The following CEBPZOS variants were observed in gnomAD, a reference collection of about 807,000 sequenced individuals.
The protein encoded by CEBPZOS is CEBPZ opposite strand.
A neutral mutation model predicts 4.8 loss-of-function variants in CEBPZOS; 10 were observed. That is an observed-to-expected ratio of 2.07 (90% confidence interval 1.28 to 3.52). CEBPZOS has a LOEUF of 3.52. CEBPZOS is among the 30% of genes most tolerant of loss of function. The pLI is 0.00. For missense variants in CEBPZOS, 98 were observed against 43.6 expected (o/e 2.25, Z -3.51); for synonymous variants, 25 against 14.2 (o/e 1.77, Z -1.72).
Position 37,202,787 on chromosome 2 carries a change from C to G in CEBPZOS, c.*927C>G. On this transcript the variant is annotated 3_prime_UTR_variant, in exon 5 of 5. Transcript: ENST00000402297. Reference sequence around the variant, plus strand: ...TAAAAAAATTTAAGTTACTTACTTGCATTATCTTTGTTAGCCATGGCATTC... The same window carrying G: ...TAAAAAAATTTAAGTTACTTACTTGGATTATCTTTGTTAGCCATGGCATTC... The G allele has an allele frequency of 6.4e-7, 1 of 1,556,416 alleles. No homozygotes were observed. Among genetic ancestry groups the G allele is most frequent in the Non-Finnish European group, 8.7e-7 (1 of 1,150,124 alleles).
chr2:37,212,867 C>CAAA (rs749522819), intron 4 of CEBPZOS, among the ~76,000 whole-genome samples: 12 of 117,242 alleles, frequency 1.0e-4, no homozygotes, highest in Admixed American at 9.7e-4. Context: ...ACAACAACAA[C>CAAA]AAAAAAAAAA....
At chr2:37,211,785 C>T in intron 4 of CEBPZOS, 1 of 1,321,524 alleles carries the variant, frequency 7.6e-7, no homozygotes, top group Non-Finnish European at 1.0e-6. Flanking sequence ...GAAAAACAAA[C>T]TTAAGGCTAA....
chr2:37,209,546 A>C (rs181949314), downstream of CEBPZOS: 1 of 152,334 alleles, frequency 6.6e-6, no homozygotes, highest in East Asian at 1.9e-4. Context: ...TGGGGAAAGG[A>C]CACCCTATTG....
In CEBPZOS at chr2:37,203,526, T is replaced by G. The variant is rs537687415; in HGVS notation, c.*1666T>G. On this transcript the variant is annotated 3_prime_UTR_variant, in exon 5 of 5. Coordinates refer to ENST00000402297, the MANE Select transcript of CEBPZOS (RefSeq NM_001322374.2). The stretch of plus-strand genomic sequence containing the variant: ...TTTCCTGAAACAATTATTCAAACTC[T>G]GCATCTTTGATATCAATGTCTCTAG... The G allele has an allele frequency of 6.6e-6, 1 of 152,384 alleles. No homozygotes were observed. The highest frequency in any genetic ancestry group is 1.9e-4 in the East Asian group (1 of 5,194). 9.4% of individuals were successfully genotyped at this position (152,384 alleles called of 1,614,324 possible).
intron 4 of CEBPZOS, 25 bp downstream of exon 4, chr2:37,201,751 T>C (rs1430198300): frequency 7.6e-7 from 1 of 1,314,892 alleles, no homozygotes; most frequent in South Asian, 1.2e-5. Context: ...AATCTATAAT[T>C]TACATTAATA....
At chr2:37,206,341 G>A (rs1181820883), downstream of CEBPZOS, among the ~76,000 whole-genome samples, 1 of 152,190 alleles carries the variant, frequency 6.6e-6, no homozygotes, top group Non-Finnish European at 1.5e-5. Context: ...AATGCTGAAA[G>A]GAGTTCTAAA....
At chr2:37,208,939 A>T (rs1454600563), downstream of CEBPZOS, 1 of 152,076 alleles carries the variant, frequency 6.6e-6, no homozygotes, top group Non-Finnish European at 1.5e-5. Flanking sequence ...AATCCAGCAA[A>T]GTTTCAGGAT....
chr2:37,201,305 G>GAC, intron 3 of CEBPZOS: 1 of 537,726 alleles, frequency 1.9e-6, no homozygotes, highest in Non-Finnish European at 3.3e-6. Context: ...GTAAACTCTG[G>GAC]AATCATTCAT....
At position 37,201,568 on chromosome 2, in the gene CEBPZOS, TG is replaced by T. The variant is rs1343090017; in HGVS notation, c.161-73del. ...ATGTAGCAATATGGAAAAAAGAAGT[TG>T]TTTTTTTCAATACATTTAATTTTAA... is the stretch of plus-strand genomic sequence containing the variant. On this transcript the variant is annotated intron_variant, in intron 3 of 4. Transcript: ENST00000402297. The T allele has an allele frequency of 6.2e-6, 4 of 646,050 alleles. No homozygotes were observed. In the East Asian group the frequency reaches 1.1e-4, roughly 18 times the overall value. 40.0% of individuals were successfully genotyped at this position (646,050 alleles called of 1,614,324 possible).
chr2:37,205,394 T>C (rs1285087590), downstream of CEBPZOS, among the ~76,000 whole-genome samples: 1 of 152,176 alleles, frequency 6.6e-6, no homozygotes, highest in African/African-American at 2.4e-5. Flanking sequence ...TTCTCCTGGC[T>C]CATCCTGGCT....
downstream of CEBPZOS, chr2:37,204,838 T>C (rs1353123710): frequency 2.0e-5 from 3 of 152,256 alleles, no homozygotes; most frequent in South Asian, 2.1e-4. Context: ...TTCAGGCTAA[T>C]GTCTTCTGAA....
rs1377829756 is a variant in CEBPZOS at position 37,201,727 on chromosome 2, G to GT, written c.*2+2dup. On this transcript the variant is annotated splice_donor_variant, in intron 4 of 4. Coordinates refer to ENST00000402297, the MANE Select transcript of CEBPZOS (RefSeq NM_001322374.2). LOFTEE classifies it low-confidence loss of function (3UTR_SPLICE). The stretch of plus-strand genomic sequence containing the variant: ...CATGGTTGAACAGCAAAAATTAGAT[G>GT]TAAGTAGAATTTTAATCTATAATTT... The GT allele has an allele frequency of 4.2e-6, 5 of 1,194,968 alleles. No individual in the cohort carries two copies. Among genetic ancestry groups the GT allele is most frequent in the Non-Finnish European group, 6.1e-6 (5 of 819,190 alleles). 74.0% of individuals were successfully genotyped at this position (1,194,968 alleles called of 1,614,324 possible).
chr2:37,202,928 T>G lies in CEBPZOS; in HGVS notation c.*1068T>G. 1 of 1,595,638 alleles carries G rather than the reference T, an allele frequency of 6.3e-7. No homozygotes were observed. Among genetic ancestry groups the G allele is most frequent in the Non-Finnish European group, 8.5e-7 (1 of 1,169,620 alleles). ...AAATAATGTAGAATAGCTAGCTTGT[T>G]AAAACAGTACATTAGCCTTACCTCT... On this transcript the variant is annotated 3_prime_UTR_variant, in exon 5 of 5. Transcript: ENST00000402297.
At chr2:37,196,972 G>C (rs940952885) in intron 1 of CEBPZOS, among the ~76,000 whole-genome samples, 3 of 152,222 alleles carry the variant, frequency 2.0e-5, no homozygotes, top group Admixed American at 2.0e-4. Context: ...GCTAAGCTGG[G>C]AGGCCGCCCC....
At chr2:37,213,039 T>C (rs1028542170) in intron 4 of CEBPZOS, among the ~76,000 whole-genome samples, 4 of 152,000 alleles carry the variant, frequency 2.6e-5, no homozygotes, top group Non-Finnish European at 5.9e-5. Flanking sequence ...AGAGAGAGCC[T>C]GTCTCAAAAC....
chr2:37,211,984 C>G (rs1558470844), intron 4 of CEBPZOS: 3 of 1,612,550 alleles, frequency 1.9e-6, no homozygotes, highest in East Asian at 2.2e-5. Context: ...TCACTACCTT[C>G]TGAATCTTCA....
rs1345768280 is a variant in CEBPZOS at position 37,212,840 on chromosome 2, A to G, written c.*3-597A>G. 1.1e-4 allele frequency among the ~76,000 whole-genome samples: 17 copies of G among 150,164 alleles called. No homozygotes were observed. The South Asian group carries it at 3.6e-3, about 32-fold the overall frequency. On this transcript the variant is annotated intron_variant, in intron 4 of 4. Transcript: ENST00000397064. ...CGGCAAGACCCTATCTCTATTAAAAAAAAAAAAAAAACAAAAACAACAACA... is the reference window on the plus strand; with the variant it reads ...CGGCAAGACCCTATCTCTATTAAAAGAAAAAAAAAAACAAAAACAACAACA...
chr2:37,202,685 A>G lies in CEBPZOS; in HGVS notation c.*825A>G. 2 of 223,670 alleles carry G rather than the reference A, an allele frequency of 8.9e-6. No individual in the cohort carries two copies. Among genetic ancestry groups the G allele is most frequent in the Middle Eastern group, 1.4e-3 (1 of 694 alleles). 13.9% of individuals were successfully genotyped at this position (223,670 alleles called of 1,614,324 possible). A position where few individuals can be genotyped will look rare whatever the true frequency, so the allele number is the denominator to read the frequency against. Reference sequence around the variant, plus strand: ...AAAAAAAAAAAAAAAAAAAAAAAAAAAAAAAAAGAATAAATAAAATAACGA... The same window carrying G: ...AAAAAAAAAAAAAAAAAAAAAAAAAGAAAAAAAGAATAAATAAAATAACGA... On this transcript the variant is annotated 3_prime_UTR_variant, in exon 5 of 5. Coordinates refer to ENST00000402297, the MANE Select transcript of CEBPZOS (RefSeq NM_001322374.2).
downstream of CEBPZOS, chr2:37,209,498 C>T (rs1180511194): frequency 1.3e-5 from 2 of 152,156 alleles, no homozygotes; most frequent in East Asian, 1.9e-4. Context: ...CAAATACTTA[C>T]AACCATCTGA....
Sources: allele counts gnomAD v4.1 joint callset (sites outside exome capture counted in the v4.1 genomes callset), GRCh38; gene constraint gnomAD v4.1.1; transcripts MANE v1.5; gene names NCBI Gene and HGNC (gene_info 2026-07-23, HGNC 2026-07-21).